The following GPATCH8 variants were observed in gnomAD, a reference collection of about 807,000 sequenced individuals.
GPATCH8 encodes the protein G patch domain-containing protein 8.
A neutral mutation model predicts 118.3 loss-of-function variants in GPATCH8; 18 were observed. That is an observed-to-expected ratio of 0.15 (90% CI 0.11 to 0.23). GPATCH8 has a LOEUF of 0.23. Ranked by LOEUF, GPATCH8 falls within the 10% of genes least tolerant of loss-of-function variation. GPATCH8 has a pLI of 1.00. For synonymous variants in GPATCH8, 659 were observed against 684.7 expected, an observed-to-expected ratio of 0.96 and a Z score of 0.59; for missense variants, 1,631 against 1,873.8, an observed-to-expected ratio of 0.87 and a Z score of 2.39.
intron 2 of GPATCH8, among the ~76,000 whole-genome samples, chr17:44,466,144 G>A (rs768047708): frequency 1.7e-4 from 25 of 151,334 alleles, no homozygotes; most frequent in South Asian, 4.2e-4. Flanking sequence ...CAGCCTGGGA[G>A]GTATGGGCGC....
At chr17:44,402,937 G>A (rs1567939803) in intron 7 of GPATCH8, among the ~76,000 whole-genome samples, 1 of 152,132 alleles carries the variant, frequency 6.6e-6, no homozygotes, top group Non-Finnish European at 1.5e-5. Context: ...TTATTTTTCT[G>A]AGGTGGGGTC....
rs1310280931 is a variant in GPATCH8, at chr17:44,398,048, A to T, written c.4029T>A (p.Phe1343Leu). The change falls in exon 8 of 8, where the codon TTT (phenylalanine) becomes TTA (leucine). Residue 1343 changes from phenylalanine to leucine, a missense_variant. Physicochemically the swap from Phe to Leu is conservative, Grantham distance 22. Coordinates refer to ENST00000591680, the MANE Select transcript of GPATCH8 (RefSeq NM_001002909.4). ...CTGGGGCCAGGGCAGCTGAGGCTGG[A>T]AAGGCCTTTACTTGCTTGGCCAGAA... The part of the protein sequence containing the change: ...QQLLAKQVKA[F>L]PASAALAPAT... 6.2e-7 allele frequency: 1 copy of T among 1,613,852 alleles called. No individual in the cohort carries two copies. The highest frequency in any genetic ancestry group is 8.5e-7 in the Non-Finnish European group (1 of 1,179,834).
intron 4 of GPATCH8, 69 bp downstream of exon 4, chr17:44,436,409 A>T: frequency 1.3e-6 from 1 of 794,844 alleles, no homozygotes; most frequent in Non-Finnish European, 2.3e-6. Context: ...TTGCACAGAC[A>T]TCTGAATTTG....
intron 6 of GPATCH8, among the ~76,000 whole-genome samples, chr17:44,413,031 T>C (rs1188986993): frequency 1.3e-5 from 2 of 152,174 alleles, no homozygotes; most frequent in Non-Finnish European, 2.9e-5. Flanking sequence ...CAGGAGAGAA[T>C]ATAGAATGTT....
chr17:44,479,526 A>AAAAAGAACCC (rs1968043259), intron 1 of GPATCH8, among the ~76,000 whole-genome samples: 1 of 152,226 alleles, frequency 6.6e-6, no homozygotes, highest in Admixed American at 6.5e-5. Flanking sequence ...CTTTGAATAA[A>AAAAAGAACCC]AAAAGAACCC....
chr17:44,412,759 C>T (rs2049492482), intron 6 of GPATCH8, among the ~76,000 whole-genome samples: 1 of 152,150 alleles, frequency 6.6e-6, no homozygotes, highest in Non-Finnish European at 1.5e-5. Flanking sequence ...ATAATCTGGC[C>T]TTCTTCAAAT....
intron 1 of GPATCH8, among the ~76,000 whole-genome samples, chr17:44,502,149 G>C (rs1598659668): frequency 1.3e-5 from 2 of 152,298 alleles, no homozygotes; most frequent in East Asian, 3.9e-4. Flanking sequence ...ACTGTTAACA[G>C]TGCTGAGTTA....
At chr17:44,480,949 C>T (rs1208896170) in intron 1 of GPATCH8, among the ~76,000 whole-genome samples, 1 of 152,112 alleles carries the variant, frequency 6.6e-6, no homozygotes, top group Admixed American at 6.6e-5. Context: ...CTCAGTTGTC[C>T]AGGCTGGAAT....
intron 1 of GPATCH8, among the ~76,000 whole-genome samples, chr17:44,487,295 T>G (rs1274087108): frequency 3.3e-5 from 5 of 152,236 alleles, no homozygotes; most frequent in African/African-American, 9.6e-5. Context: ...TATTCTTGAA[T>G]AAGTATCCAA....
intron 1 of GPATCH8, among the ~76,000 whole-genome samples, chr17:44,492,464 C>T (rs918928923): frequency 2.0e-5 from 3 of 151,136 alleles, no homozygotes; most frequent in South Asian, 2.1e-4. Flanking sequence ...CCCAGCTACT[C>T]GGAAGGCTGA....
intron 5 of GPATCH8, among the ~76,000 whole-genome samples, chr17:44,425,038 A>G (rs1026239467): frequency 1.3e-5 from 2 of 150,786 alleles, no homozygotes; most frequent in Non-Finnish European, 3.0e-5. Context: ...CAACAACAAA[A>G]AACTGTGGGA....
chr17:44,491,006 C>A (rs753145773), intron 1 of GPATCH8, among the ~76,000 whole-genome samples: 13 of 152,140 alleles, frequency 8.5e-5, no homozygotes, highest in Non-Finnish European at 1.3e-4. Flanking sequence ...TACATAATCC[C>A]ACAGCTGTAT....
chr17:44,459,276 G>A (rs2144256313), intron 3 of GPATCH8, among the ~76,000 whole-genome samples: 1 of 152,240 alleles, frequency 6.6e-6, no homozygotes, highest in South Asian at 2.1e-4. Context: ...GAAGCCCTAA[G>A]GATGGATTAT....
intron 3 of GPATCH8, among the ~76,000 whole-genome samples, chr17:44,463,260 C>T (rs1390132963): frequency 6.6e-6 from 1 of 152,108 alleles, no homozygotes; most frequent in Non-Finnish European, 1.5e-5. Flanking sequence ...CAGACTTTGG[C>T]ATTCAAACTG....
chr17:44,466,862 G>T (rs1009810154), intron 2 of GPATCH8, among the ~76,000 whole-genome samples: 18 of 151,782 alleles, frequency 1.2e-4, no homozygotes, highest in Admixed American at 8.5e-4. Context: ...AACTATATTT[G>T]GCACCAAGAT....
intron 5 of GPATCH8, among the ~76,000 whole-genome samples, chr17:44,434,640 C>T (rs1479371452): frequency 6.6e-6 from 1 of 152,182 alleles, no homozygotes; most frequent in Non-Finnish European, 1.5e-5. Flanking sequence ...GAGTTCGAGA[C>T]CAGCCTGACC....
At chr17:44,423,575 C>T (rs920192768) in intron 6 of GPATCH8, among the ~76,000 whole-genome samples, 2 of 152,140 alleles carry the variant, frequency 1.3e-5, no homozygotes, top group Admixed American at 1.3e-4. Context: ...TTGTACCCCC[C>T]AAAAACCTAG....
Position 44,397,583 on chromosome 17 carries a change from G to A in GPATCH8, c.4494C>T (p.Pro1498=), listed in dbSNP as rs551471599. 7 of 1,610,208 alleles carry A rather than the reference G, an allele frequency of 4.3e-6. No homozygotes were observed. In the East Asian group the frequency reaches 1.3e-4, roughly 31 times the overall value. The change falls in exon 8 of 8, where the codon CCC becomes CCT. Residue 1498 remains proline, a synonymous_variant. Coordinates refer to ENST00000591680, the MANE Select transcript of GPATCH8 (RefSeq NM_001002909.4). ...IFSGQDLQHP[P]SHGT Reference sequence around the variant, plus strand: ...ATCCCCCAACTCACGTGCCATGGCTGGGGGGATGTTGCAGGTCCTGACCTG... The same window carrying A: ...ATCCCCCAACTCACGTGCCATGGCTAGGGGGATGTTGCAGGTCCTGACCTG...
At chr17:44,448,502 AAGG>A (rs1489839180) in intron 3 of GPATCH8, among the ~76,000 whole-genome samples, 302 of 104,050 alleles carry the variant, frequency 2.9e-3, no homozygotes, top group African/African-American at 0.012. Context: ...AAAAAAAAAA[AAGG>A]GGGGGGGGGG....
Sources: allele counts gnomAD v4.1 joint callset (sites outside exome capture counted in the v4.1 genomes callset), GRCh38; gene constraint gnomAD v4.1.1; transcripts MANE v1.5; gene names NCBI Gene and HGNC (gene_info 2026-07-23, HGNC 2026-07-21).